Variants in NUDCD3 observed in about 807,000 individuals in gnomAD.
NUDCD3 encodes nudC domain-containing protein 3.
In NUDCD3, 13 loss-of-function variants were observed where a neutral mutation model predicts 39.7. The ratio of observed to expected loss-of-function variants is 0.33; its 90% CI spans 0.21 to 0.52. The LOEUF is 0.52. Ranked by LOEUF, NUDCD3 falls within the 20% of genes least tolerant of loss-of-function variation. The pLI, the probability that NUDCD3 is intolerant of heterozygous loss-of-function variation, is 0.96. For missense variants in NUDCD3, 453 were observed against 458.1 expected, an observed-to-expected ratio of 0.99 and a Z score of 0.10; for synonymous variants, 175 against 172.4, an observed-to-expected ratio of 1.02 and a Z score of -0.12.
At chr7:44,479,364 T>C (rs868254380) in intron 2 of NUDCD3, among the ~76,000 whole-genome samples, 3 of 152,188 alleles carry the variant, frequency 2.0e-5, no homozygotes, top group Admixed American at 1.3e-4. Flanking sequence ...ATTGTCTGTA[T>C]ACAGTAATGA....
At chr7:44,394,263 C>T (rs1798578250) in intron 4 of NUDCD3, among the ~76,000 whole-genome samples, 1 of 152,190 alleles carries the variant, frequency 6.6e-6, no homozygotes, top group African/African-American at 2.4e-5. Context: ...TACACGCCAG[C>T]TCTACCCAGT....
intron 5 of NUDCD3, among the ~76,000 whole-genome samples, chr7:44,390,369 A>T (rs1160218617): frequency 6.6e-6 from 1 of 152,184 alleles, no homozygotes; most frequent in Non-Finnish European, 1.5e-5. Flanking sequence ...GTCTCAAAAA[A>T]TTTAAAAAAT....
intron 3 of NUDCD3, among the ~76,000 whole-genome samples, chr7:44,424,272 C>G (rs1303685637): frequency 1.3e-5 from 2 of 152,116 alleles, no homozygotes; most frequent in Non-Finnish European, 2.9e-5. Flanking sequence ...GCAATTGCAA[C>G]AAAAGCCAAA....
At chr7:44,468,285 G>A (rs113966537) in intron 2 of NUDCD3, 53,849 of 1,581,478 alleles carry the variant, frequency 0.034, 1,159 homozygotes, top group African/African-American at 0.091. Flanking sequence ...GCCAGGCTGC[G>A]CAGCGAAGAA....
In NUDCD3 at chr7:44,458,690, T is replaced by C. The variant is rs147199230; in HGVS notation, c.509+26278A>G. The stretch of plus-strand genomic sequence containing the variant: ...AAAAAAAAGTTCTGGAATTAGATAA[T>C]AGTGGTAGTTATACAACCTTGTAAA... On this transcript the variant is annotated intron_variant, in intron 2 of 5. Coordinates refer to ENST00000355451, the MANE Select transcript of NUDCD3 (RefSeq NM_015332.4). Among the ~76,000 whole-genome samples, 304 of 152,098 alleles carry C rather than the reference T, an allele frequency of 2.0e-3. 2 individuals carry two copies. The highest frequency in any genetic ancestry group is 2.8e-3 in the Non-Finnish European group (190 of 67,982).
At chr7:44,461,232 G>A (rs1800004509) in intron 2 of NUDCD3, among the ~76,000 whole-genome samples, 1 of 152,202 alleles carries the variant, frequency 6.6e-6, no homozygotes, top group Non-Finnish European at 1.5e-5. Flanking sequence ...TGACATTCCA[G>A]AAAATGGGTC....
Position 44,427,684 on chromosome 7 carries a change from T to C in NUDCD3, c.529A>G (p.Lys177Glu), listed in dbSNP as rs1799264580. The C allele has an allele frequency of 6.2e-7, 1 of 1,613,884 alleles. No homozygotes were observed. Among genetic ancestry groups the C allele is most frequent in the African/African-American group, 1.3e-5 (1 of 74,902 alleles). ...ILPRIQEQFQKNPDSYNGAVR... is the reference protein window; with the variant it reads ...ILPRIQEQFQENPDSYNGAVR... ...GCACCATTGTAACTGTCGGGATTTT[T>C]CTGGAACTGCTCCTGAATCCTGAGA... is the stretch of plus-strand genomic sequence containing the variant. The change falls in exon 3 of 6, where the codon AAA becomes GAA. Residue 177 changes from lysine to glutamate, a missense_variant. Lys to Glu is a moderately conservative substitution (Grantham distance 56). Transcript: ENST00000355451.
chr7:44,468,349 C>CTA, intron 2 of NUDCD3: 2 of 375,658 alleles, frequency 5.3e-6, no homozygotes, highest in Non-Finnish European at 8.4e-6. Context: ...GTAAAAACTG[C>CTA]AAAAAAAAAA....
intron 2 of NUDCD3, among the ~76,000 whole-genome samples, chr7:44,435,941 A>G (rs1424659822): frequency 6.6e-6 from 1 of 152,214 alleles, no homozygotes; most frequent in Non-Finnish European, 1.5e-5. Flanking sequence ...AGGAGCACAC[A>G]GTCAGCCAGA....
At chr7:44,418,160 G>A (rs1799062779) in intron 3 of NUDCD3, among the ~76,000 whole-genome samples, 1 of 152,140 alleles carries the variant, frequency 6.6e-6, no homozygotes, top group Non-Finnish European at 1.5e-5. Context: ...AGGACAGGAG[G>A]GCCAGAGGGA....
intron 4 of NUDCD3, among the ~76,000 whole-genome samples, chr7:44,400,602 A>G (rs571996624): frequency 6.6e-6 from 1 of 152,290 alleles, no homozygotes; most frequent in Non-Finnish European, 1.5e-5. Context: ...ATACAAGGCA[A>G]TACAAATTTA....
At chr7:44,412,578 T>C (rs1253171746) in intron 3 of NUDCD3, among the ~76,000 whole-genome samples, 1 of 152,220 alleles carries the variant, frequency 6.6e-6, no homozygotes, top group African/African-American at 2.4e-5. Flanking sequence ...AATTGCCACT[T>C]AGAAGTCTTC....
intron 4 of NUDCD3, 135 bp from the exon 5 acceptor site, chr7:44,392,620 C>T (rs1183924295): frequency 1.4e-6 from 1 of 723,560 alleles, no homozygotes; most frequent in African/African-American, 1.8e-5. Context: ...AGGTGACAGA[C>T]AAGAGGGGGT....
chr7:44,422,998 A>G (rs1799169836), intron 3 of NUDCD3, among the ~76,000 whole-genome samples: 1 of 152,256 alleles, frequency 6.6e-6, no homozygotes, highest in African/African-American at 2.4e-5. Flanking sequence ...TATGAAAATC[A>G]ATAAATGTAA....
chr7:44,406,160 A>G (rs1310264145), intron 3 of NUDCD3, among the ~76,000 whole-genome samples: 1 of 152,226 alleles, frequency 6.6e-6, no homozygotes, highest in Non-Finnish European at 1.5e-5. Flanking sequence ...AGAAGGTGGC[A>G]GAAGGCTGCC....
At chr7:44,414,431 G>A (rs1432406677) in intron 3 of NUDCD3, among the ~76,000 whole-genome samples, 1 of 152,128 alleles carries the variant, frequency 6.6e-6, no homozygotes, top group African/African-American at 2.4e-5. Flanking sequence ...CACTGGGCAG[G>A]GGCAGTAAGA....
intron 2 of NUDCD3, among the ~76,000 whole-genome samples, chr7:44,467,424 G>T (rs1800142282): frequency 6.6e-6 from 1 of 152,180 alleles, no homozygotes; most frequent in South Asian, 2.1e-4. Context: ...TTGTACAACT[G>T]CTCAAAGGAA....
intron 3 of NUDCD3, among the ~76,000 whole-genome samples, chr7:44,414,829 C>A (rs1238544513): frequency 6.6e-6 from 1 of 152,204 alleles, no homozygotes; most frequent in African/African-American, 2.4e-5. Context: ...AATTCCAGCA[C>A]TTACATCAAG....
chr7:44,436,169 T>C (rs927149567), intron 2 of NUDCD3, among the ~76,000 whole-genome samples: 2 of 152,248 alleles, frequency 1.3e-5, no homozygotes, highest in African/African-American at 2.4e-5. Flanking sequence ...TAGATGATTT[T>C]AAGGAATTAC....
Sources: gnomAD v4.1 joint callset for allele counts (sites outside exome capture counted in the v4.1 genomes callset) on GRCh38, gnomAD v4.1.1 for gene constraint, MANE v1.5 for transcripts, NCBI Gene and HGNC (gene_info 2026-07-23, HGNC 2026-07-21) for gene names.